Variants in CNIH3 observed in about 807,000 individuals in gnomAD.
CNIH3 encodes protein cornichon homolog 3.
A neutral mutation model predicts 24.1 loss-of-function variants in CNIH3; 14 were observed. That is an observed-to-expected ratio of 0.58 (90% CI 0.38 to 0.91). The LOEUF is 0.91. CNIH3 is among the 40% of genes least tolerant of loss of function. The pLI, the probability that CNIH3 is intolerant of heterozygous loss-of-function variation, is 0.00. For synonymous variants in CNIH3, 68 were observed against 73.8 expected (o/e 0.92, Z 0.40); for missense variants, 178 against 196.8 (o/e 0.90, Z 0.57).
exon 1 of CNIH3, chr1:224,434,735 G>A: frequency 2.0e-6 from 2 of 986,500 alleles, no homozygotes; most frequent in Non-Finnish European, 2.4e-6. Context: ...TGCCGCCTCT[G>A]TCCTCGGATC....
Position 224,684,457 on chromosome 1 carries a change from T to A in CNIH3, c.151-339T>A, listed in dbSNP as rs1254972004. Reference sequence around the variant, plus strand: ...TTTAGGATGCTCCATGAACACGAGGTACCATTCAGCAGTTTGACCACCTTA... The same window carrying A: ...TTTAGGATGCTCCATGAACACGAGGAACCATTCAGCAGTTTGACCACCTTA... On this transcript the variant is annotated intron_variant, in intron 2 of 5. Coordinates refer to ENST00000272133, the MANE Select transcript of CNIH3 (RefSeq NM_152495.2). The surrounding 1 kb of genome is among the most constrained non-coding windows in gnomAD (Gnocchi z 4.2). Among the ~76,000 whole-genome samples the A allele has an allele frequency of 1.3e-5, 2 of 152,116 alleles. No individual in the cohort carries two copies. The highest frequency in any genetic ancestry group is 2.9e-5 in the Non-Finnish European group (2 of 68,016).
chr1:224,735,488 G>T (rs1371052498), intron 5 of CNIH3, among the ~76,000 whole-genome samples: 2 of 152,012 alleles, frequency 1.3e-5, no homozygotes, highest in African/African-American at 4.8e-5. Flanking sequence ...CAGGGCCATG[G>T]TGATCTCCAA....
At position 224,739,346 on chromosome 1, in the gene CNIH3, T is replaced by C. The variant is rs765422713; in HGVS notation, c.473T>C (p.Val158Ala). Residue 158 changes from valine (V) to alanine (A), a missense_variant, in exon 6 of 6, where the codon GTG (valine) becomes GCG (alanine). Coordinates refer to ENST00000272133, the MANE Select transcript of CNIH3 (RefSeq NM_152495.2). ...GCATTCAGCATGATCTACACTTTAG[T>C]GAGCTCTTAACGCAAAGACCATGCA... ...YYLYCMIYTL[V>A]SS 6.3e-6 allele frequency: 10 copies of C among 1,575,614 alleles called. 1 individual carries two copies. In the South Asian group the frequency reaches 1.0e-4, roughly 16 times the overall value.
At chr1:224,685,489 C>CA (rs1364948471) in intron 3 of CNIH3, among the ~76,000 whole-genome samples, 1 of 152,086 alleles carries the variant, frequency 6.6e-6, no homozygotes, top group South Asian at 2.1e-4. Context: ...GTCTCTTTCC[C>CA]AAAAAAGTGT....
chr1:224,645,600 G>T (rs1409739571), intron 1 of CNIH3, among the ~76,000 whole-genome samples: 1 of 152,220 alleles, frequency 6.6e-6, no homozygotes, highest in Non-Finnish European at 1.5e-5. Context: ...TGAGGTTTAG[G>T]CCCTGTTCCA....
chr1:224,557,067 G>A (rs1258698982), intron 3 of CNIH3, among the ~76,000 whole-genome samples: 1 of 152,096 alleles, frequency 6.6e-6, no homozygotes. Flanking sequence ...TTTGAGAGAG[G>A]GTCTCACTCT....
chr1:224,563,670 C>G (rs969617473), intron 3 of CNIH3, among the ~76,000 whole-genome samples: 15 of 152,168 alleles, frequency 9.9e-5, no homozygotes, highest in African/African-American at 3.6e-4. Flanking sequence ...GGCTGCTGTT[C>G]AGTACGGATG....
At chr1:224,689,674 C>G (rs896541242) in intron 3 of CNIH3, among the ~76,000 whole-genome samples, 1 of 152,196 alleles carries the variant, frequency 6.6e-6, no homozygotes, top group Non-Finnish European at 1.5e-5. Flanking sequence ...CCTAAACACC[C>G]TAGAATGTGA....
intron 3 of CNIH3, among the ~76,000 whole-genome samples, chr1:224,698,893 T>C (rs1452185854): frequency 6.6e-6 from 1 of 152,192 alleles, no homozygotes; most frequent in Non-Finnish European, 1.5e-5. Context: ...AACTCCATGG[T>C]GACTGCTACA....
At position 224,480,360 on chromosome 1, in the gene CNIH3, G is replaced by A. The variant is rs182085378; in HGVS notation, n.204-35381G>A. ...GGGAGGGGCTGCTGTGAAGACCTCT[G>A]ACATGCCCTGGAGGCATTTTCCCCA... On this transcript the variant is annotated intron_variant and non_coding_transcript_variant, in intron 1 of 5. Coordinates refer to the CNIH3 transcript ENST00000471578. Among the ~76,000 whole-genome samples, 1,017 of 152,332 alleles carry A rather than the reference G, an allele frequency of 6.7e-3. 5 individuals are homozygous for A. Among genetic ancestry groups the A allele is most frequent in the Middle Eastern group, 0.034 (10 of 294 alleles).
chr1:224,459,633 G>A (rs1402022586), intron 1 of CNIH3, among the ~76,000 whole-genome samples: 1 of 152,036 alleles, frequency 6.6e-6, no homozygotes, highest in African/African-American at 2.4e-5. Flanking sequence ...GTGAAGCTGG[G>A]GTTTCATAAG....
Position 224,661,079 on chromosome 1 carries a change from C to T in CNIH3, c.82-19879C>T, listed in dbSNP as rs1253544923. The stretch of plus-strand genomic sequence containing the variant: ...CTTTAGGTACAATTATACTGAAAGT[C>T]GAGTTCACTGGATATCTTCAAAAAC... On this transcript the variant is annotated intron_variant, in intron 1 of 5. Transcript: ENST00000272133. The T allele has an allele frequency of 3.8e-5, 6 of 159,098 alleles. No homozygotes were observed. The South Asian group carries it at 7.5e-4, about 20-fold the overall frequency. 9.9% of individuals were successfully genotyped at this position (159,098 alleles called of 1,614,324 possible). A position where few individuals can be genotyped will look rare whatever the true frequency, so the allele number is the denominator to read the frequency against.
chr1:224,649,471 G>T (rs1382918789), intron 1 of CNIH3, among the ~76,000 whole-genome samples: 1 of 152,130 alleles, frequency 6.6e-6, no homozygotes, highest in Non-Finnish European at 1.5e-5. Flanking sequence ...TAAATTTGTG[G>T]TAATTTATTA....
chr1:224,663,752 T>C (rs1216638541), intron 1 of CNIH3, among the ~76,000 whole-genome samples: 1 of 152,216 alleles, frequency 6.6e-6, no homozygotes, highest in Non-Finnish European at 1.5e-5. Context: ...GATGCAGATG[T>C]CACATTTCAA....
At chr1:224,593,537 A>T (rs1023477948), downstream of CNIH3, among the ~76,000 whole-genome samples, 2 of 152,222 alleles carry the variant, frequency 1.3e-5, no homozygotes, top group Non-Finnish European at 2.9e-5. Context: ...TCAGCTAAAA[A>T]TACCTCTGTT....
At chr1:224,705,010 C>T (rs971032795) in intron 3 of CNIH3, among the ~76,000 whole-genome samples, 2 of 152,072 alleles carry the variant, frequency 1.3e-5, no homozygotes, top group African/African-American at 4.8e-5. Flanking sequence ...CCCAGCTACT[C>T]AGGAGGCCAA....
intron 1 of CNIH3, among the ~76,000 whole-genome samples, chr1:224,626,663 A>G (rs760489054): frequency 1.3e-5 from 2 of 152,108 alleles, no homozygotes; most frequent in Non-Finnish European, 2.9e-5. Context: ...GGATCGACAT[A>G]AACTGCCTGT....
intron 3 of CNIH3, among the ~76,000 whole-genome samples, chr1:224,566,031 GTTT>G (rs11299803): frequency 8.9e-5 from 13 of 146,680 alleles, no homozygotes; most frequent in African/African-American, 3.0e-4. Flanking sequence ...CTGGCTTTCT[GTTT>G]TTTTTTTTTT....
intron 1 of CNIH3, among the ~76,000 whole-genome samples, chr1:224,488,542 C>A (rs1344540332): frequency 1.3e-5 from 2 of 152,020 alleles, no homozygotes; most frequent in African/African-American, 4.8e-5. Context: ...CTCATTATAG[C>A]CTCGAGCTCC....
Sources: allele counts gnomAD v4.1 joint callset (sites outside exome capture counted in the v4.1 genomes callset), GRCh38; gene constraint gnomAD v4.1.1; non-coding constraint Gnocchi (gnomAD v3.1); transcripts MANE v1.5; gene names NCBI Gene and HGNC (gene_info 2026-07-23, HGNC 2026-07-21).